Variants in PTPRN2 observed in about 807,000 individuals in gnomAD.
PTPRN2 encodes protein tyrosine phosphatase receptor type N2.
A neutral mutation model predicts 118.8 loss-of-function variants in PTPRN2; 74 were observed. That is an observed-to-expected ratio of 0.62 (90% confidence interval 0.52 to 0.76). PTPRN2 has a LOEUF of 0.76. PTPRN2 is among the 30% of genes least tolerant of loss of function. The pLI, the probability that PTPRN2 is intolerant of heterozygous loss-of-function variation, is 0.00. For synonymous variants in PTPRN2, 641 were observed against 608.0 expected, an observed-to-expected ratio of 1.05 and a Z score of -0.80; for missense variants, 1,481 against 1,394.4, an observed-to-expected ratio of 1.06 and a Z score of -0.99.
At chr7:157,582,579 G>T (rs1800453352) in intron 17 of PTPRN2, among the ~76,000 whole-genome samples, 1 of 152,086 alleles carries the variant, frequency 6.6e-6, no homozygotes, top group African/African-American at 2.4e-5. Context: ...AGCCTTTACA[G>T]AAAACAGTAT....
At chr7:157,770,997 G>T (rs1460681829) in intron 12 of PTPRN2, among the ~76,000 whole-genome samples, 2 of 152,248 alleles carry the variant, frequency 1.3e-5, no homozygotes, top group Non-Finnish European at 2.9e-5. Context: ...CGCCCTGCCA[G>T]TTTCTGGCTT....
intron 2 of PTPRN2, among the ~76,000 whole-genome samples, chr7:158,393,215 T>G (rs1812079763): frequency 6.6e-6 from 1 of 152,156 alleles, no homozygotes; most frequent in Non-Finnish European, 1.5e-5. Flanking sequence ...CCCCACGGCG[T>G]CTTTAAAAAG....
chr7:157,933,066 C>A (rs2128781911), intron 11 of PTPRN2, among the ~76,000 whole-genome samples: 1 of 144,978 alleles, frequency 6.9e-6, no homozygotes, highest in South Asian at 2.2e-4. Context: ...GTCTGACTGG[C>A]ATTTTTAGAG....
At chr7:158,322,701 A>G (rs1166609563) in intron 2 of PTPRN2, among the ~76,000 whole-genome samples, 1 of 152,268 alleles carries the variant, frequency 6.6e-6, no homozygotes, top group Non-Finnish European at 1.5e-5. Flanking sequence ...CAAGCTGGTC[A>G]AGCCACTCAA....
chr7:157,756,698 C>G (rs1160987911), intron 12 of PTPRN2, among the ~76,000 whole-genome samples: 4 of 151,868 alleles, frequency 2.6e-5, no homozygotes, highest in Admixed American at 2.6e-4. Context: ...TGAGAAGCTG[C>G]TAGCGTGGGG....
intron 2 of PTPRN2, among the ~76,000 whole-genome samples, chr7:158,412,749 A>G (rs1814254688): frequency 8.8e-6 from 1 of 113,750 alleles, no homozygotes. Context: ...ACCAGGGCCC[A>G]GCTCAGCACC....
rs1233477389 is a variant in PTPRN2, at chr7:157,933,835, A to T, written c.1724-35098T>A. Among the ~76,000 whole-genome samples the T allele has an allele frequency of 2.5e-5, 3 of 118,042 alleles. 1 individual carries two copies. Among genetic ancestry groups the T allele is most frequent in the Non-Finnish European group, 6.0e-5 (3 of 49,960 alleles). The allele number at this position is 118,042 out of a possible 152,430, so 77.4% of individuals were successfully genotyped here. ...TTTAGAGGAAGGGTGAGTCACTCTG[A>T]TTGACAGTTTTAGAGGAAGGATGAG... On this transcript the variant is annotated intron_variant, in intron 11 of 22. Transcript: ENST00000389418.
At chr7:158,197,323 T>G (rs1369245206) in intron 4 of PTPRN2, among the ~76,000 whole-genome samples, 1 of 152,208 alleles carries the variant, frequency 6.6e-6, no homozygotes, top group East Asian at 1.9e-4. Context: ...TAGTGTGATT[T>G]AGAAACACTT....
chr7:157,582,192 C>T (rs543593702), intron 17 of PTPRN2, among the ~76,000 whole-genome samples: 35 of 152,326 alleles, frequency 2.3e-4, no homozygotes, highest in East Asian at 3.9e-4. Context: ...CACCCACAGG[C>T]GTGGAACAAT....
intron 2 of PTPRN2, among the ~76,000 whole-genome samples, chr7:158,340,758 A>G (rs1172075106): frequency 1.2e-5 from 1 of 82,426 alleles, no homozygotes; most frequent in African/African-American, 5.0e-5. Context: ...GACGTCACAC[A>G]CACCCACACT....
chr7:158,428,424 C>CT (rs1815916763), intron 2 of PTPRN2, among the ~76,000 whole-genome samples: 1 of 152,154 alleles, frequency 6.6e-6, no homozygotes, highest in Non-Finnish European at 1.5e-5. Context: ...CGCACAGAAA[C>CT]TGCAAAGGAG....
chr7:157,930,329 T>A (rs577178666), intron 11 of PTPRN2, among the ~76,000 whole-genome samples: 2 of 152,330 alleles, frequency 1.3e-5, no homozygotes, highest in South Asian at 4.1e-4. Flanking sequence ...TCACAAACGT[T>A]GCATAATAAA....
In PTPRN2 at chr7:157,763,856, C is replaced by T. The variant is rs1802291828; in HGVS notation, c.1789-80919G>A. 6.6e-6 allele frequency among the ~76,000 whole-genome samples: 1 copy of T among 152,104 alleles called. No homozygotes were observed. The highest frequency in any genetic ancestry group is 1.5e-5 in the Non-Finnish European group (1 of 68,020). On this transcript the variant is annotated intron_variant, in intron 12 of 22. Coordinates refer to ENST00000389418, the MANE Select transcript of PTPRN2 (RefSeq NM_002847.5). The surrounding 1 kb of genome is among the most constrained non-coding windows in gnomAD (Gnocchi z 4.9). ...TGGCCACTGCCCCATGTGGCTGCCC[C>T]ATCCCCCAGAGCACCACGGTGCCCA...
intron 11 of PTPRN2, among the ~76,000 whole-genome samples, chr7:157,965,861 A>T (rs1013874389): frequency 6.6e-6 from 1 of 152,188 alleles, no homozygotes; most frequent in African/African-American, 2.4e-5. Context: ...CCAAAAGTGC[A>T]CTTCCCAAAA....
At chr7:158,157,262 A>G (rs2335484) in intron 6 of PTPRN2, among the ~76,000 whole-genome samples, 94,284 of 151,984 alleles carry the variant, frequency 0.62, 30,271 homozygotes, top group East Asian at 0.79. Context: ...TTGGGCAGTG[A>G]CAGTGAGGTG....
intron 12 of PTPRN2, among the ~76,000 whole-genome samples, chr7:157,885,785 A>C (rs1045793284): frequency 5.3e-5 from 8 of 152,240 alleles, no homozygotes; most frequent in Non-Finnish European, 1.0e-4. Context: ...CAGTGTAGGG[A>C]GTGCGACCTG....
At chr7:158,147,502 C>T (rs78164016) in intron 6 of PTPRN2, among the ~76,000 whole-genome samples, 268 of 96,714 alleles carry the variant, frequency 2.8e-3, no homozygotes, top group Non-Finnish European at 3.4e-3. Context: ...CCCCATCTCA[C>T]GCCACAGGTC....
intron 13 of PTPRN2, among the ~76,000 whole-genome samples, chr7:157,672,826 T>C (rs1250990239): frequency 6.6e-6 from 1 of 152,248 alleles, no homozygotes; most frequent in Non-Finnish European, 1.5e-5. Context: ...TAGTGAATTA[T>C]GTATTTTAAA....
rs1423606581 is a variant in PTPRN2, at chr7:158,331,194, G to A, written c.164-14262C>T. 1.2e-4 allele frequency among the ~76,000 whole-genome samples: 15 copies of A among 121,846 alleles called. 1 individual carries two copies. The highest frequency in any genetic ancestry group is 4.2e-4 in the African/African-American group (14 of 33,182). 79.9% of individuals were successfully genotyped at this position (121,846 alleles called of 152,430 possible). On this transcript the variant is annotated intron_variant, in intron 2 of 22. Transcript: ENST00000389418. ...ACCAGAAGAGCTGTCACACGCAGAC[G>A]TCACTCACACCCACACTCTCACCAT...
Sources: allele counts gnomAD v4.1 joint callset (sites outside exome capture counted in the v4.1 genomes callset), GRCh38; gene constraint gnomAD v4.1.1; non-coding constraint Gnocchi (gnomAD v3.1); transcripts MANE v1.5; gene names NCBI Gene and HGNC (gene_info 2026-07-23, HGNC 2026-07-21).